Variants in SON observed in about 807,000 individuals in gnomAD.
SON encodes protein SON.
In SON, 4 loss-of-function variants were observed where a neutral mutation model predicts 173.3. That is an observed-to-expected ratio of 0.02 (90% CI 0.01 to 0.05). The LOEUF is 0.05. SON is among the 10% of genes least tolerant of loss of function. SON has a pLI of 1.00. For missense variants in SON, 2,626 were observed against 3,055.3 expected (o/e 0.86, Z 3.31); for synonymous variants, 1,190 against 1,105.9 (o/e 1.08, Z -1.51).
At position 33,544,011 on chromosome 21, in the gene SON, C is replaced by G. The variant is rs138966021; in HGVS notation, c.77+842C>G. ...ACTTAGGAAAATAGTGTGTCATGTT[C>G]AGCGGTTGTCTCTCGATATTTGCTT... On this transcript the variant is annotated intron_variant, in intron 1 of 11. Coordinates refer to ENST00000356577, the MANE Select transcript of SON (RefSeq NM_138927.4). Among the ~76,000 whole-genome samples, 430 of 152,304 alleles carry G rather than the reference C, an allele frequency of 2.8e-3. 2 individuals are homozygous for G. The highest frequency in any genetic ancestry group is 9.8e-3 in the African/African-American group (406 of 41,552).
At chr21:33,547,599 G>A (rs1277808403) in intron 2 of SON, among the ~76,000 whole-genome samples, 1 of 150,400 alleles carries the variant, frequency 6.6e-6, no homozygotes, top group Non-Finnish European at 1.5e-5. Context: ...AACCTTCATT[G>A]AAGTATGACT....
At chr21:33,547,703 G>GTTTT (rs1601254343) in intron 2 of SON, among the ~76,000 whole-genome samples, 1 of 111,116 alleles carries the variant, frequency 9.0e-6, no homozygotes, top group Non-Finnish European at 1.9e-5. Flanking sequence ...TTCTTCTGTA[G>GTTTT]TCTTTTTTTT....
At position 33,550,593 on chromosome 21, in the gene SON, A is replaced by T. The variant is rs771759036; in HGVS notation, c.1362A>T (p.Pro454=). 2.5e-6 allele frequency: 4 copies of T among 1,613,650 alleles called. No individual in the cohort carries two copies. The highest frequency in any genetic ancestry group is 3.3e-5 in the Admixed American group (2 of 59,998). The part of the protein sequence containing the change: ...TPVPQLSQEL[P]GLPAPSMGLE... ...TGCCACAGTTGTCGCAGGAATTGCC[A>T]GGGCTTCCAGCACCATCCATGGGGT... Residue 454 remains proline, a synonymous_variant, in exon 3 of 12, where the codon CCA becomes CCT. Coordinates refer to ENST00000356577, the MANE Select transcript of SON (RefSeq NM_138927.4).
In SON at chr21:33,553,902, T is replaced by C; in HGVS notation, c.4671T>C (p.Pro1557=). ...CAGTGTGTGCTGCTGGTACTAGTCC[T>C]GTTGGGGAAATTGGTGAAGAGAAAA... ...HNTVCAAGTS[P]VGEIGEEKIL... is the part of the protein sequence containing the mutation. The change falls in exon 3 of 12, where the codon CCT becomes CCC. Residue 1557 remains proline, a synonymous_variant. Coordinates refer to ENST00000356577, the MANE Select transcript of SON (RefSeq NM_138927.4). 1 of 1,614,140 alleles carries C rather than the reference T, an allele frequency of 6.2e-7. No individual in the cohort carries two copies. Among genetic ancestry groups the C allele is most frequent in the South Asian group, 1.1e-5 (1 of 91,074 alleles).
At chr21:33,546,097 G>A in intron 1 of SON, 116 bp from the exon 2 acceptor site, 1 of 819,142 alleles carries the variant, frequency 1.2e-6, no homozygotes. Flanking sequence ...ATCTAAAATA[G>A]GAAAAAGGTA....
Position 33,553,428 on chromosome 21 carries a change from G to T in SON, c.4197G>T (p.Glu1399Asp). The T allele has an allele frequency of 1.9e-6, 3 of 1,614,178 alleles. No individual in the cohort carries two copies. Among genetic ancestry groups the T allele is most frequent in the Non-Finnish European group, 2.5e-6 (3 of 1,180,002 alleles). The change falls in exon 3 of 12, where the codon GAG becomes GAT. Residue 1399 changes from glutamate to aspartate, a missense_variant. Glu to Asp is a conservative substitution (Grantham distance 45). Around this residue, in one of 13 missense-constraint regions of SON, gnomAD observed 1,006 missense variants for 895.6 expected, o/e 1.12. Coordinates refer to ENST00000356577, the MANE Select transcript of SON (RefSeq NM_138927.4). ...VTVPEPPVVA[E>D]PDYVTIPVPV... is the part of the protein sequence containing the mutation. ...TCCCGGAGCCTCCTGTTGTGGCTGA[G>T]CCAGACTATGTTACCATTCCTGTGC...
intron 2 of SON, among the ~76,000 whole-genome samples, chr21:33,547,666 T>A (rs2085651318): frequency 6.6e-6 from 1 of 151,534 alleles, no homozygotes; most frequent in Non-Finnish European, 1.5e-5. Flanking sequence ...AAGTTTTGCT[T>A]TGGCCTATGT....
intron 1 of SON, 140 bp downstream of exon 1, chr21:33,543,309 C>T (rs1427328203): frequency 5.4e-6 from 4 of 746,826 alleles, no homozygotes; most frequent in Non-Finnish European, 6.8e-6. Context: ...GATCCATTTT[C>T]CGGGCCCCCC....
In SON at chr21:33,550,192, A is replaced by C. The variant is rs752432317; in HGVS notation, c.961A>C (p.Ser321Arg). 3.7e-6 allele frequency: 6 copies of C among 1,614,254 alleles called. No homozygotes were observed. The highest frequency in any genetic ancestry group is 1.7e-5 in the Admixed American group (1 of 60,034). ...ACCTACTGAGGTGTACCCTGAGCCA[A>C]GCACATCAACAACAATGGATTTTCC... ...ETPTEVYPEP[S>R]TSTTMDFPES... is the part of the protein sequence containing the mutation. The change falls in exon 3 of 12, where the codon AGC (serine) becomes CGC (arginine). Residue 321 changes from serine (S) to arginine (R), a missense_variant. Ser to Arg is a moderately radical substitution (Grantham distance 110). Around this residue, in one of 13 missense-constraint regions of SON, gnomAD observed 757 missense variants for 730.1 expected, o/e 1.04. Transcript: ENST00000356577.
chr21:33,544,071 G>C (rs934427556), intron 1 of SON, among the ~76,000 whole-genome samples: 1 of 152,208 alleles, frequency 6.6e-6, no homozygotes, highest in African/African-American at 2.4e-5. Flanking sequence ...AAGTACAGAA[G>C]TAGGAAAGAG....
chr21:33,551,157 T>A lies in SON; in HGVS notation c.1926T>A (p.Pro642=), dbSNP rs2085771242. The A allele has an allele frequency of 6.2e-7, 1 of 1,613,282 alleles. No individual in the cohort carries two copies. Among genetic ancestry groups the A allele is most frequent in the Non-Finnish European group, 8.5e-7 (1 of 1,179,628 alleles). ...GGCAGCCTGGGGCGCCAGAGTTGCCTGGGCAGCCTGTGGCAACTGTGGCGC... is the reference window on the plus strand; with the variant it reads ...GGCAGCCTGGGGCGCCAGAGTTGCCAGGGCAGCCTGTGGCAACTGTGGCGC... ...LPGQPGAPEL[P]GQPVATVALE... Residue 642 remains proline, a synonymous_variant, in exon 3 of 12, where the codon CCT becomes CCA. Transcript: ENST00000356577.
intron 1 of SON, chr21:33,543,570 G>T (rs1236490674): frequency 2.7e-5 from 7 of 259,954 alleles, no homozygotes; most frequent in Non-Finnish European, 7.6e-6. Context: ...GCCGGCCGGT[G>T]CCTATGACCG....
chr21:33,545,592 T>C (rs547722034), intron 1 of SON, among the ~76,000 whole-genome samples: 150 of 152,362 alleles, frequency 9.8e-4, no homozygotes, highest in Non-Finnish European at 1.1e-3. Flanking sequence ...CTTTTACTGT[T>C]GGTATAAATG....
chr21:33,574,820 A>G (rs1269141292), intron 9 of SON, among the ~76,000 whole-genome samples: 2 of 152,166 alleles, frequency 1.3e-5, no homozygotes, highest in African/African-American at 4.8e-5. Flanking sequence ...GTCTATGGAG[A>G]GAGAGGTTAT....
rs2085884082 is a variant in SON, at chr21:33,553,889, C to T, written c.4658C>T (p.Ala1553Val). The T allele has an allele frequency of 1.2e-6, 2 of 1,614,086 alleles. No individual in the cohort carries two copies. Among genetic ancestry groups the T allele is most frequent in the Admixed American group, 3.3e-5 (2 of 60,022 alleles). Residue 1553 changes from alanine (A) to valine (V), a missense_variant, in exon 3 of 12, where the codon GCT becomes GTT. Coordinates refer to ENST00000356577, the MANE Select transcript of SON (RefSeq NM_138927.4). ...KEMEHNTVCA[A>V]GTSPVGEIGE... ...ATGGAACATAATACAGTGTGTGCTG[C>T]TGGTACTAGTCCTGTTGGGGAAATT...
rs928851742 is a variant in SON at position 33,547,705 on chromosome 21, CTTTTTTTTTTTTTT to C, written c.244+1340_244+1353del. ...GTGTTGATTTATTTTCTTCTGTAGT[CTTTTTTTTTTTTTT>C]TTTTTTTTTTTTTGAGACGGAGTCT... On this transcript the variant is annotated intron_variant, in intron 2 of 11. Coordinates refer to ENST00000356577, the MANE Select transcript of SON (RefSeq NM_138927.4). Among the ~76,000 whole-genome samples the C allele has an allele frequency of 4.8e-4, 34 of 71,026 alleles. No homozygotes were observed. In the East Asian group the frequency reaches 0.014, roughly 29 times the overall value. The allele number at this position is 71,026 out of a possible 152,430, so 46.6% of individuals were successfully genotyped here.
In SON at chr21:33,559,477, C is replaced by A; in HGVS notation, c.6468+101C>A. On this transcript the variant is annotated intron_variant, in intron 5 of 11. Transcript: ENST00000356577. This position sits in a 1 kb window ranked among gnomAD's most constrained non-coding sequence, Gnocchi z 4.1. ...AGTTTATTAATTTTTGTTTTAAATA[C>A]TGTGAGAAATAATGGATAATATCAT... is the stretch of plus-strand genomic sequence containing the variant. The A allele has an allele frequency of 6.8e-7, 1 of 1,470,836 alleles. No individual in the cohort carries two copies. The highest frequency in any genetic ancestry group is 9.2e-7 in the Non-Finnish European group (1 of 1,088,866). 91.1% of individuals were successfully genotyped at this position (1,470,836 alleles called of 1,614,324 possible).
chr21:33,552,884 G>A lies in SON; in HGVS notation c.3653G>A (p.Ser1218Asn). The change falls in exon 3 of 12, where the codon AGT (serine) becomes AAT (asparagine). Residue 1218 changes from serine (S) to asparagine (N), a missense_variant. Ser to Asn is a conservative substitution (Grantham distance 46). Around this residue, in one of 13 missense-constraint regions of SON, gnomAD observed 1,006 missense variants for 895.6 expected, o/e 1.12. Coordinates refer to ENST00000356577, the MANE Select transcript of SON (RefSeq NM_138927.4). This position sits in a 1 kb window ranked among gnomAD's most constrained non-coding sequence, Gnocchi z 5.6. ...VSQPEPPVSQ[S>N]EISEPSAVPT... ...CAGCCTGAGCCTCCTGTGAGTCAAAGTGAGATTTCGGAGCCTTCAGCAGTG... is the reference window on the plus strand; with the variant it reads ...CAGCCTGAGCCTCCTGTGAGTCAAAATGAGATTTCGGAGCCTTCAGCAGTG... The A allele has an allele frequency of 1.2e-6, 2 of 1,613,390 alleles. No homozygotes were observed. The highest frequency in any genetic ancestry group is 1.3e-5 in the African/African-American group (1 of 74,992).
rs562814053 is a variant in SON at position 33,547,942 on chromosome 21, C to G, written c.245-1534C>G. ...GTTTTACCGTGTTAGCCAGGATGGT[C>G]TTGATCTCCTGGCCTCGTGATCCAC... is the stretch of plus-strand genomic sequence containing the variant. On this transcript the variant is annotated intron_variant, in intron 2 of 11. Transcript: ENST00000356577. 4.6e-5 allele frequency among the ~76,000 whole-genome samples: 7 copies of G among 151,058 alleles called. No homozygotes were observed. In the South Asian group the frequency reaches 1.0e-3, roughly 23 times the overall value.
Sources: allele counts gnomAD v4.1 joint callset (sites outside exome capture counted in the v4.1 genomes callset), GRCh38; gene constraint gnomAD v4.1.1; regional missense constraint gnomAD v4.1.1; non-coding constraint Gnocchi (gnomAD v3.1); transcripts MANE v1.5; gene names NCBI Gene and HGNC (gene_info 2026-07-23, HGNC 2026-07-21).